The following NRCAM variants were observed in gnomAD, a reference collection of about 807,000 sequenced individuals.
NRCAM encodes the protein neuronal cell adhesion molecule.
In NRCAM, 83 loss-of-function variants were observed where a neutral mutation model predicts 156.5. The ratio of observed to expected loss-of-function variants is 0.53; its 90% confidence interval spans 0.44 to 0.64. NRCAM has a LOEUF of 0.64. NRCAM is among the 30% of genes least tolerant of loss of function. NRCAM has a pLI of 0.00. For synonymous variants in NRCAM, 538 were observed against 563.9 expected (o/e 0.95, Z 0.65); for missense variants, 1,417 against 1,597.3 (o/e 0.89, Z 1.92).
At chr7:108,418,088 T>C (rs1804022378) in intron 1 of NRCAM, among the ~76,000 whole-genome samples, 1 of 152,122 alleles carries the variant, frequency 6.6e-6, no homozygotes, top group Non-Finnish European at 1.5e-5. Flanking sequence ...GCAACACCTG[T>C]GACACGCAGA....
intron 2 of NRCAM, among the ~76,000 whole-genome samples, chr7:108,385,886 ATCTG>A (rs992320928): frequency 1.4e-5 from 2 of 142,448 alleles, no homozygotes; most frequent in East Asian, 2.3e-4. Flanking sequence ...TAAAACACCT[ATCTG>A]TCTGTCTATG....
chr7:108,234,128 T>C (rs1159978284), intron 6 of NRCAM, among the ~76,000 whole-genome samples: 2 of 152,174 alleles, frequency 1.3e-5, no homozygotes, highest in South Asian at 2.1e-4. Context: ...AATCTCTTTA[T>C]AGATGAGGAA....
At chr7:108,201,407 G>A (rs1310548699) in intron 13 of NRCAM, among the ~76,000 whole-genome samples, 1 of 152,140 alleles carries the variant, frequency 6.6e-6, no homozygotes, top group South Asian at 2.1e-4. Context: ...CTACATAAGA[G>A]TTCCTCAAAT....
At chr7:108,282,278 T>A (rs2097888614) in intron 3 of NRCAM, among the ~76,000 whole-genome samples, 1 of 152,248 alleles carries the variant, frequency 6.6e-6, no homozygotes, top group Non-Finnish European at 1.5e-5. Context: ...AGCACTTTAC[T>A]AATGTCTGGG....
chr7:108,357,221 T>TG (rs1305162294), intron 2 of NRCAM, among the ~76,000 whole-genome samples: 1 of 152,234 alleles, frequency 6.6e-6, no homozygotes, highest in African/African-American at 2.4e-5. Flanking sequence ...ATGTACTTCA[T>TG]GGGCTTTGGT....
chr7:108,361,554 T>C (rs909587184), intron 2 of NRCAM, among the ~76,000 whole-genome samples: 44 of 152,162 alleles, frequency 2.9e-4, no homozygotes, highest in Non-Finnish European at 1.0e-4. Flanking sequence ...TTTTCTGCCT[T>C]TGGACTTGAA....
At chr7:108,223,016 C>A (rs771033176) in intron 11 of NRCAM, among the ~76,000 whole-genome samples, 5 of 152,168 alleles carry the variant, frequency 3.3e-5, no homozygotes, top group African/African-American at 1.2e-4. Context: ...AGAATCTAGG[C>A]TTGGCCTTGT....
intron 2 of NRCAM, among the ~76,000 whole-genome samples, chr7:108,368,239 C>CCCT (rs1159722394): frequency 7.6e-6 from 1 of 131,716 alleles, no homozygotes; most frequent in East Asian, 2.8e-4. Flanking sequence ...CCCCCACCCC[C>CCCT]CCGCCTGCTC....
intron 13 of NRCAM, among the ~76,000 whole-genome samples, chr7:108,199,261 C>T (rs1587875517): frequency 6.6e-6 from 1 of 152,258 alleles, no homozygotes; most frequent in East Asian, 1.9e-4. Context: ...AAATTTGTTT[C>T]ATCTGTGGTT....
intron 2 of NRCAM, among the ~76,000 whole-genome samples, chr7:108,387,497 T>C (rs2099744462): frequency 6.6e-6 from 1 of 152,134 alleles, no homozygotes; most frequent in Non-Finnish European, 1.5e-5. Flanking sequence ...TATTTTGCTG[T>C]CAAATCCTGG....
chr7:108,316,936 GT>G (rs2098933237), intron 2 of NRCAM, among the ~76,000 whole-genome samples: 1 of 152,140 alleles, frequency 6.6e-6, no homozygotes, highest in African/African-American at 2.4e-5. Flanking sequence ...AGTTCTCCTT[GT>G]GTCTAGGTGT....
chr7:108,336,856 ATAATTT>A (rs1259849853), intron 2 of NRCAM, among the ~76,000 whole-genome samples: 1 of 152,236 alleles, frequency 6.6e-6, no homozygotes, highest in Non-Finnish European at 1.5e-5. Context: ...GAATTAAAAG[ATAATTT>A]TAATTAAGAT....
At chr7:108,250,548 A>G (rs1168170123) in intron 3 of NRCAM, among the ~76,000 whole-genome samples, 5 of 152,120 alleles carry the variant, frequency 3.3e-5, no homozygotes, top group African/African-American at 1.2e-4. Flanking sequence ...CTAAAATTCA[A>G]AACAACTGAA....
At chr7:108,437,363 T>C (rs1359502535) in intron 1 of NRCAM, among the ~76,000 whole-genome samples, 4 of 152,142 alleles carry the variant, frequency 2.6e-5, no homozygotes, top group Non-Finnish European at 4.4e-5. Context: ...ACCTATTATT[T>C]GATAGCACAA....
intron 3 of NRCAM, among the ~76,000 whole-genome samples, chr7:108,303,509 G>A (rs2098664602): frequency 6.6e-6 from 1 of 152,074 alleles, no homozygotes; most frequent in Admixed American, 6.5e-5. Context: ...ATAGCTGCTG[G>A]GGTGTCTGTT....
Position 108,197,968 on chromosome 7 carries a change from C to T in NRCAM, c.1339G>A (p.Val447Ile), listed in dbSNP as rs985431831. 3.8e-6 allele frequency: 6 copies of T among 1,575,462 alleles called. No individual in the cohort carries two copies. The Admixed American group carries it at 5.8e-5, about 15-fold the overall frequency. ...EYGYLLANAF[V>I]NVLAEPPRIL... ...AATGAGAGCTTACCCAGCACATTTACAAATGCGTTTGCCAGTAAATATCCA... is the reference window on the plus strand; with the variant it reads ...AATGAGAGCTTACCCAGCACATTTATAAATGCGTTTGCCAGTAAATATCCA... The change falls in exon 14 of 33, where the codon GTA becomes ATA. Residue 447 changes from valine (V) to isoleucine (I), a missense_variant. Val to Ile is a conservative substitution (Grantham distance 29). This residue lies in a region of NRCAM where 1,238 missense variants were observed against 1,336.4 expected (regional missense o/e 0.93). Coordinates refer to ENST00000379028, the MANE Select transcript of NRCAM (RefSeq NM_001037132.4).
At chr7:108,155,137 C>G (rs1259766595) in intron 32 of NRCAM, among the ~76,000 whole-genome samples, 3 of 122,150 alleles carry the variant, frequency 2.5e-5, no homozygotes, top group Non-Finnish European at 5.1e-5. Context: ...CACACACACA[C>G]ACACACATAT....
upstream of NRCAM, chr7:108,456,543 C>G (rs1415809924): frequency 6.6e-6 from 1 of 152,134 alleles, no homozygotes; most frequent in Non-Finnish European, 1.5e-5. Flanking sequence ...CCGTCCCCCT[C>G]CCCCGCACTC....
At chr7:108,381,480 A>T (rs1054829611) in intron 2 of NRCAM, among the ~76,000 whole-genome samples, 2 of 152,170 alleles carry the variant, frequency 1.3e-5, no homozygotes, top group African/African-American at 2.4e-5. Flanking sequence ...TAGCGTTTCA[A>T]ATTTCAATAG....
Sources: allele counts gnomAD v4.1 joint callset (sites outside exome capture counted in the v4.1 genomes callset), GRCh38; gene constraint gnomAD v4.1.1; regional missense constraint gnomAD v4.1.1; transcripts MANE v1.5; gene names NCBI Gene and HGNC (gene_info 2026-07-23, HGNC 2026-07-21).